LIAS: variants seen among roughly 807,000 people sequenced by gnomAD.
LIAS encodes lipoyl synthase, mitochondrial.
In LIAS, 36 loss-of-function variants were observed where a neutral mutation model predicts 49.4. The ratio of observed to expected loss-of-function variants is 0.73; its 90% CI spans 0.56 to 0.96. The LOEUF (loss-of-function observed/expected upper bound fraction) is 0.96. Among genes scored for constraint, LIAS ranks in the 40% least tolerant of loss-of-function variants. LIAS has a pLI of 0.00. For synonymous variants in LIAS, 145 were observed against 155.8 expected (o/e 0.93, Z 0.52); for missense variants, 399 against 456.3 (o/e 0.87, Z 1.14).
At chr4:39,464,239 G>C (rs1744669602) in intron 4 of LIAS, 1 of 151,976 alleles carries the variant, frequency 6.6e-6, no homozygotes, top group Non-Finnish European at 1.5e-5. Flanking sequence ...AGGAGGCTGA[G>C]GTGGGAGGAT....
At chr4:39,460,127 A>G (rs968610058) in intron 1 of LIAS, among the ~76,000 whole-genome samples, 2 of 152,238 alleles carry the variant, frequency 1.3e-5, no homozygotes, top group Non-Finnish European at 2.9e-5. Flanking sequence ...CAGGACCAGA[A>G]CAGTTTTAAA....
chr4:39,470,273 A>T (rs1744934167), intron 8 of LIAS, 109 bp downstream of exon 8: 1 of 830,276 alleles, frequency 1.2e-6, no homozygotes, highest in Non-Finnish European at 1.8e-6. Context: ...ATGGTTATAG[A>T]TGGCAGCATG....
intron 8 of LIAS, chr4:39,470,409 T>G (rs1744938677): frequency 2.3e-5 from 8 of 353,120 alleles, no homozygotes; most frequent in Non-Finnish European, 4.2e-5. Context: ...ATACAAAATT[T>G]ATATCCCATT....
In LIAS at chr4:39,459,149, C is replaced by G. The variant is rs573005019; in HGVS notation, c.32C>G (p.Thr11Ser). 6.2e-7 allele frequency: 1 copy of G among 1,613,484 alleles called. No individual in the cohort carries two copies. Among genetic ancestry groups the G allele is most frequent in the Admixed American group, 1.7e-5 (1 of 60,014 alleles). Reference sequence around the variant, plus strand: ...CTACGCTGCGGGGATGCAGCCCGCACCCTGGGGCCCCGGGTGAGCGGCGGG... The same window carrying G: ...CTACGCTGCGGGGATGCAGCCCGCAGCCTGGGGCCCCGGGTGAGCGGCGGG... MSLRCGDAAR[T>S]LGPRVFGRYF... Residue 11 changes from threonine to serine, a missense_variant, in exon 1 of 11, where the codon ACC becomes AGC. This residue lies in a region of LIAS where 159 missense variants were observed against 147.6 expected (regional missense o/e 1.08). Transcript: ENST00000640888.
At chr4:39,461,026 A>G in intron 2 of LIAS, 64 bp downstream of exon 2, 1 of 1,350,756 alleles carries the variant, frequency 7.4e-7, no homozygotes, top group Non-Finnish European at 1.0e-6. Flanking sequence ...TTTCAGATAT[A>G]ACCAAGCCCT....
chr4:39,467,710 C>G, intron 7 of LIAS, 64 bp downstream of exon 7: 2 of 1,380,054 alleles, frequency 1.4e-6, no homozygotes, highest in Non-Finnish European at 1.9e-6. Context: ...TATATTCTTG[C>G]CTTTTCCAGG....
chr4:39,477,190 A>G lies in LIAS; in HGVS notation c.*75A>G. 1 of 1,132,902 alleles carries G rather than the reference A, an allele frequency of 8.8e-7. No individual in the cohort carries two copies. Among genetic ancestry groups the G allele is most frequent in the Non-Finnish European group, 1.3e-6 (1 of 769,842 alleles). The allele number at this position is 1,132,902 out of a possible 1,614,324, so 70.2% of individuals were successfully genotyped here. On this transcript the variant is annotated 3_prime_UTR_variant, in exon 11 of 11. Coordinates refer to ENST00000640888, the MANE Select transcript of LIAS (RefSeq NM_006859.4). ...AGTTAATAACAGAGGTGGTGCCAGA[A>G]TGCCTGGACTGCAGTGGATGTGCCC...
At chr4:39,463,785 C>G (rs747903904) in intron 4 of LIAS, 180 bp downstream of exon 4, 1 of 1,217,780 alleles carries the variant, frequency 8.2e-7, no homozygotes, top group African/African-American at 1.6e-5. Flanking sequence ...TCTCACCCTT[C>G]TCTGAATAAA....
intron 9 of LIAS, among the ~76,000 whole-genome samples, chr4:39,471,516 A>AT (rs1290713850): frequency 3.8e-4 from 28 of 73,248 alleles, no homozygotes; most frequent in African/African-American, 1.3e-3. Flanking sequence ...ACATATATAT[A>AT]ATTTTTTTTT....
rs1745291957 is a variant in LIAS, at chr4:39,478,678, C to T, written c.*1563C>T. ...TATTTGTATAGTAGCTTGCTAAATC[C>T]ACATGCCCTATTCCTTTCATTTCTC... On this transcript the variant is annotated 3_prime_UTR_variant, in exon 11 of 11. Coordinates refer to ENST00000640888, the MANE Select transcript of LIAS (RefSeq NM_006859.4). The T allele has an allele frequency of 6.6e-6, 1 of 152,148 alleles. No individual in the cohort carries two copies. The highest frequency in any genetic ancestry group is 1.9e-4 in the East Asian group (1 of 5,194). The allele number at this position is 152,148 out of a possible 1,614,324, so 9.4% of individuals were successfully genotyped here.
At chr4:39,465,429 A>T in intron 6 of LIAS, 87 bp downstream of exon 6, 1 of 1,149,714 alleles carries the variant, frequency 8.7e-7, no homozygotes, top group Non-Finnish European at 1.2e-6. Context: ...AACAGGGATT[A>T]TTCACTTTTT....
chr4:39,459,161 G>A lies in LIAS; in HGVS notation c.44G>A (p.Arg15Gln), dbSNP rs184218786. ...CGDAARTLGP[R>Q]VFGRYFCSPV... is the part of the protein sequence containing the mutation. ...GATGCAGCCCGCACCCTGGGGCCCC[G>A]GGTGAGCGGCGGGGCGAACGGGTTT... Residue 15 changes from arginine to glutamine, a missense_variant and splice_region_variant, in exon 1 of 11, where the codon CGG (arginine) becomes CAG (glutamine). Coordinates refer to ENST00000640888, the MANE Select transcript of LIAS (RefSeq NM_006859.4). The A allele has an allele frequency of 3.1e-6, 5 of 1,612,758 alleles. No homozygotes were observed. In the South Asian group the frequency reaches 4.4e-5, roughly 14 times the overall value.
chr4:39,471,336 T>A (rs766857669), intron 9 of LIAS, 30 bp downstream of exon 9: 20 of 1,552,638 alleles, frequency 1.3e-5, no homozygotes, highest in African/African-American at 8.3e-5. Context: ...CTTTTTTTTT[T>A]TTTTTTTATT....
In LIAS at chr4:39,467,480, C is replaced by A. The variant is rs531125573; in HGVS notation, c.609-38C>A. The A allele has an allele frequency of 1.6e-5, 24 of 1,536,336 alleles. No homozygotes were observed. In the East Asian group the frequency reaches 3.7e-4, roughly 24 times the overall value. On this transcript the variant is annotated intron_variant, in intron 6 of 10. Transcript: ENST00000640888. ...ATTTTGAGGAACAGGTATGTCAGTT[C>A]TTTCTCTCTGTTTGATAATTCTCTC...
intron 10 of LIAS, chr4:39,475,021 A>AC (rs1422749588): frequency 2.0e-5 from 3 of 152,202 alleles, no homozygotes; most frequent in African/African-American, 7.2e-5. Context: ...ATCCTGGCCA[A>AC]CATGGTGAAA....
chr4:39,475,345 C>T (rs1180593207), intron 10 of LIAS: 1 of 152,046 alleles, frequency 6.6e-6, no homozygotes, highest in Non-Finnish European at 1.5e-5. Flanking sequence ...CATGCCACTG[C>T]ACTCCAGTCT....
chr4:39,471,131 G>A (rs1211758169), intron 8 of LIAS, 105 bp from the exon 9 acceptor site: 1 of 769,176 alleles, frequency 1.3e-6, no homozygotes, highest in Non-Finnish European at 2.2e-6. Flanking sequence ...GAAGATTATG[G>A]ACTGTCATAA....
intron 1 of LIAS, among the ~76,000 whole-genome samples, chr4:39,459,950 A>G (rs1212114606): frequency 6.3e-5 from 9 of 143,940 alleles, no homozygotes; most frequent in Non-Finnish European, 1.2e-4. Flanking sequence ...ACAGAGCGAG[A>G]CTCCATCTCA....
intron 7 of LIAS, 140 bp downstream of exon 7, chr4:39,467,786 A>C: frequency 1.4e-6 from 1 of 729,534 alleles, no homozygotes; most frequent in Non-Finnish European, 2.1e-6. Context: ...GGCAAACTCA[A>C]TCTATGTCTC....
Sources: gnomAD v4.1 joint callset for allele counts (sites outside exome capture counted in the v4.1 genomes callset) on GRCh38, gnomAD v4.1.1 for gene constraint, gnomAD v4.1.1 regional missense constraint, MANE v1.5 for transcripts, NCBI Gene and HGNC (gene_info 2026-07-23, HGNC 2026-07-21) for gene names.